SNTG2: variants seen among roughly 807,000 people sequenced by gnomAD.
The protein encoded by SNTG2 is syntrophin gamma 2.
A neutral mutation model predicts 70.9 loss-of-function variants in SNTG2; 74 were observed. That is an observed-to-expected ratio of 1.04 (90% CI 0.86 to 1.27). The LOEUF is 1.27. Among genes scored for constraint, SNTG2 ranks in the 50% most tolerant of loss-of-function variants. The pLI is 0.00. For synonymous variants in SNTG2, 278 were observed against 273.8 expected (o/e 1.02, Z -0.15); for missense variants, 717 against 690.7 (o/e 1.04, Z -0.43).
At chr2:1,236,724 T>A (rs1676683443) in intron 9 of SNTG2, among the ~76,000 whole-genome samples, 1 of 152,202 alleles carries the variant, frequency 6.6e-6, no homozygotes, top group Non-Finnish European at 1.5e-5. Flanking sequence ...TGCAGAACTG[T>A]GTTATACCAT....
intron 13 of SNTG2, among the ~76,000 whole-genome samples, chr2:1,263,494 AC>A (rs1678556642): frequency 6.6e-6 from 1 of 151,556 alleles, no homozygotes; most frequent in Admixed American, 6.6e-5. Flanking sequence ...TTAGAATACA[AC>A]CCTTTTTGTT....
chr2:1,049,493 C>G (rs145832007), intron 1 of SNTG2, among the ~76,000 whole-genome samples: 93 of 152,266 alleles, frequency 6.1e-4, no homozygotes, highest in African/African-American at 2.2e-3. Flanking sequence ...CTTGCCTTCT[C>G]CTTTTGTTTT....
At chr2:1,104,282 A>T (rs957599244) in intron 4 of SNTG2, among the ~76,000 whole-genome samples, 4 of 152,154 alleles carry the variant, frequency 2.6e-5, no homozygotes, top group African/African-American at 9.7e-5. Flanking sequence ...TTATTGCTCT[A>T]TGTTGGTGTT....
chr2:1,202,534 A>C (rs892012355), intron 8 of SNTG2, among the ~76,000 whole-genome samples: 3 of 152,292 alleles, frequency 2.0e-5, no homozygotes, highest in African/African-American at 4.8e-5. Context: ...CAGGGGAACA[A>C]AAAGACCAAT....
At chr2:1,351,820 T>C (rs567529510) in intron 16 of SNTG2, among the ~76,000 whole-genome samples, 97 of 152,272 alleles carry the variant, frequency 6.4e-4, no homozygotes, top group African/African-American at 2.2e-3. Context: ...TGGAGAATGC[T>C]CACCCCACCC....
At chr2:1,311,928 A>G (rs909114381) in intron 15 of SNTG2, among the ~76,000 whole-genome samples, 1 of 152,158 alleles carries the variant, frequency 6.6e-6, no homozygotes, top group African/African-American at 2.4e-5. Flanking sequence ...TCTTGCAAGG[A>G]AAGAGGTTCT....
chr2:1,350,286 A>G (rs1660508145), intron 16 of SNTG2, among the ~76,000 whole-genome samples: 1 of 152,216 alleles, frequency 6.6e-6, no homozygotes, highest in African/African-American at 2.4e-5. Context: ...ATGTAACCAC[A>G]TTAGTTCCTG....
At chr2:1,232,368 C>T (rs537588545) in intron 9 of SNTG2, among the ~76,000 whole-genome samples, 5 of 152,088 alleles carry the variant, frequency 3.3e-5, no homozygotes, top group East Asian at 1.9e-4. Flanking sequence ...GATATGATCT[C>T]GGCTCACTGC....
At chr2:965,178 C>T (rs1660498946) in intron 1 of SNTG2, among the ~76,000 whole-genome samples, 1 of 128,206 alleles carries the variant, frequency 7.8e-6, no homozygotes, top group Non-Finnish European at 1.7e-5. Flanking sequence ...GACCCCAATC[C>T]TCCTCCTGGT....
chr2:1,150,516 G>A (rs1669408510), intron 6 of SNTG2, among the ~76,000 whole-genome samples: 1 of 152,092 alleles, frequency 6.6e-6, no homozygotes, highest in East Asian at 1.9e-4. Context: ...CTTGGTGTGC[G>A]CCTCCTGATG....
chr2:1,077,577 A>G (rs951476193), intron 1 of SNTG2, among the ~76,000 whole-genome samples: 5 of 152,096 alleles, frequency 3.3e-5, no homozygotes, highest in Admixed American at 6.5e-5. Flanking sequence ...AGTTTCGAAT[A>G]TGGTATTTTT....
intron 2 of SNTG2, among the ~76,000 whole-genome samples, chr2:1,090,662 G>GC (rs773644192): frequency 6.6e-6 from 1 of 152,156 alleles, no homozygotes; most frequent in Non-Finnish European, 1.5e-5. Context: ...AAGGTTTGCA[G>GC]CCCCCCTTCC....
intron 14 of SNTG2, among the ~76,000 whole-genome samples, chr2:1,297,565 C>T (rs1421747602): frequency 2.0e-5 from 3 of 150,044 alleles, no homozygotes; most frequent in East Asian, 1.9e-4. Flanking sequence ...CCCAGCCCGG[C>T]GCCTCTACAG....
intron 9 of SNTG2, among the ~76,000 whole-genome samples, chr2:1,222,065 T>TCTG (rs1675141567): frequency 5.5e-4 from 1 of 1,828 alleles, no homozygotes; most frequent in Non-Finnish European, 1.1e-3. Context: ...CTGTCTCTGT[T>TCTG]TCTCTCTGTC....
At chr2:1,181,412 G>A (rs2147911894) in intron 8 of SNTG2, among the ~76,000 whole-genome samples, 1 of 152,266 alleles carries the variant, frequency 6.6e-6, no homozygotes, top group East Asian at 1.9e-4. Flanking sequence ...TTTGTTGGCT[G>A]CATTTTCAGA....
chr2:1,169,105 A>T (rs1249709193), intron 7 of SNTG2, among the ~76,000 whole-genome samples: 1 of 152,102 alleles, frequency 6.6e-6, no homozygotes. Context: ...CTCACTTGTG[A>T]GGGGGCAGCG....
rs1184938602 is a variant in SNTG2 at position 1,316,298 on chromosome 2, A to C, written c.1411A>C (p.Lys471Gln). 6.5e-7 allele frequency: 1 copy of C among 1,549,194 alleles called. No homozygotes were observed. The highest frequency in any genetic ancestry group is 2.0e-5 in the Admixed American group (1 of 50,914). Residue 471 changes from lysine to glutamine, a missense_variant, in exon 16 of 17, where the codon AAG becomes CAG. By Grantham distance (53) the Lys-to-Gln change is moderately conservative. Transcript: ENST00000308624. ...VLWRFKFSQL[K>Q]GSSDDGKTRV... ...CTGGAGATTTAAATTTTCCCAGCTT[A>C]AGGGATCTTCAGATGATGGGAAAAC... is the stretch of plus-strand genomic sequence containing the variant.
At chr2:1,171,737 A>G (rs774759874) in intron 7 of SNTG2, among the ~76,000 whole-genome samples, 8 of 152,210 alleles carry the variant, frequency 5.3e-5, no homozygotes, top group Non-Finnish European at 7.3e-5. Context: ...CAATATCTTA[A>G]TTTTCACAAA....
At chr2:971,739 A>G (rs1197498824) in intron 1 of SNTG2, among the ~76,000 whole-genome samples, 1 of 145,872 alleles carries the variant, frequency 6.9e-6, no homozygotes, top group African/African-American at 2.5e-5. Context: ...ATTCCTTAAG[A>G]TATGATGTTA....
Sources: allele counts gnomAD v4.1 joint callset (sites outside exome capture counted in the v4.1 genomes callset), GRCh38; gene constraint gnomAD v4.1.1; transcripts MANE v1.5; gene names NCBI Gene and HGNC (gene_info 2026-07-23, HGNC 2026-07-21).